AP4E1: variants seen among roughly 807,000 people sequenced by gnomAD.
AP4E1 encodes the protein adaptor related protein complex 4 subunit epsilon 1, also known as AP-4 complex subunit epsilon-1.
A neutral mutation model predicts 128.2 loss-of-function variants in AP4E1; 56 were observed. The observed-to-expected ratio is 0.44, with a 90% CI of 0.35 to 0.55. The LOEUF (loss-of-function observed/expected upper bound fraction) is 0.55, where lower values mean the gene tolerates loss of function less well. Among genes scored for constraint, AP4E1 ranks in the 20% least tolerant of loss-of-function variants. AP4E1 has a pLI of 0.00. For synonymous variants in AP4E1, 484 were observed against 473.1 expected (o/e 1.02, Z -0.30); for missense variants, 1,324 against 1,307.7 (o/e 1.01, Z -0.19).
chr15:50,910,626 C>G (rs1321047697), intron 1 of AP4E1, among the ~76,000 whole-genome samples: 2 of 152,206 alleles, frequency 1.3e-5, no homozygotes, highest in Non-Finnish European at 2.9e-5. Flanking sequence ...ACCTGCTTCA[C>G]ATTCCAGAAT....
At chr15:50,959,377 A>G (rs555118807) in intron 14 of AP4E1, among the ~76,000 whole-genome samples, 1 of 152,348 alleles carries the variant, frequency 6.6e-6, no homozygotes, top group Admixed American at 6.5e-5. Context: ...ATTTCTTAGC[A>G]GAAACCTTAT....
At chr15:50,980,473 A>G (rs897948366) in intron 15 of AP4E1, among the ~76,000 whole-genome samples, 3 of 152,226 alleles carry the variant, frequency 2.0e-5, no homozygotes, top group African/African-American at 7.2e-5. Flanking sequence ...CAGAAGCATG[A>G]CAGACGGAAA....
chr15:50,993,635 C>T lies in AP4E1; in HGVS notation c.2346+10C>T, dbSNP rs112190952. The stretch of plus-strand genomic sequence containing the variant: ...AAGTACAATCAACCTGGTAAGTAAT[C>T]GGTTCTATTCCTGTAAGAATCTTTG... On this transcript the variant is annotated intron_variant, in intron 17 of 20. Transcript: ENST00000261842. The T allele has an allele frequency of 4.4e-4, 718 of 1,613,698 alleles. 5 individuals carry two copies. The African/African-American group carries it at 8.3e-3, about 19-fold the overall frequency.
At position 50,923,914 on chromosome 15, in the gene AP4E1, T is replaced by C; in HGVS notation, c.347-17T>C. On this transcript the variant is annotated splice_polypyrimidine_tract_variant and intron_variant, in intron 3 of 20. Coordinates refer to ENST00000261842, the MANE Select transcript of AP4E1 (RefSeq NM_007347.5). ...TTTTGGTAGTTAGTAATCAGACTTT[T>C]CCCTCAACTTTTATAGGTTATTTGG... The C allele has an allele frequency of 6.3e-7, 1 of 1,599,078 alleles. No individual in the cohort carries two copies. Among genetic ancestry groups the C allele is most frequent in the South Asian group, 1.1e-5 (1 of 90,740 alleles).
chr15:50,976,058 C>T (rs1171317751), intron 15 of AP4E1, among the ~76,000 whole-genome samples: 1 of 151,894 alleles, frequency 6.6e-6, no homozygotes, highest in African/African-American at 2.4e-5. Flanking sequence ...TTTTATGAGA[C>T]CAGCCTTACC....
chr15:50,990,531 G>A (rs934962469), intron 16 of AP4E1, among the ~76,000 whole-genome samples: 1 of 151,628 alleles, frequency 6.6e-6, no homozygotes, highest in African/African-American at 2.4e-5. Context: ...GATTACAGAC[G>A]CCTGCCACCA....
chr15:50,914,565 C>T lies in AP4E1; in HGVS notation c.223-883C>T, dbSNP rs531022922. 4.0e-5 allele frequency among the ~76,000 whole-genome samples: 6 copies of T among 148,398 alleles called. 1 individual carries two copies. The East Asian group carries it at 1.0e-3, about 25-fold the overall frequency. On this transcript the variant is annotated intron_variant, in intron 2 of 20. Coordinates refer to ENST00000261842, the MANE Select transcript of AP4E1 (RefSeq NM_007347.5). ...ACTAGAGAGGCTGAAGCATGAGAATCGCTTGAACGTGGTAGGTGGAGGCTG... is the reference window on the plus strand; with the variant it reads ...ACTAGAGAGGCTGAAGCATGAGAATTGCTTGAACGTGGTAGGTGGAGGCTG...
chr15:50,951,893 AT>A (rs1384772168), intron 13 of AP4E1, among the ~76,000 whole-genome samples: 1 of 151,806 alleles, frequency 6.6e-6, no homozygotes, highest in Non-Finnish European at 1.5e-5. Context: ...CTTCTGGCTA[AT>A]TTTTGTATTT....
At chr15:50,969,562 T>C (rs1424768877) in intron 15 of AP4E1, among the ~76,000 whole-genome samples, 1 of 152,198 alleles carries the variant, frequency 6.6e-6, no homozygotes, top group African/African-American at 2.4e-5. Flanking sequence ...AATATAGTGA[T>C]GTTTCAATCC....
At position 50,941,559 on chromosome 15, in the gene AP4E1, AT is replaced by A. The variant is rs1357583521; in HGVS notation, c.1064del (p.Leu355Ter). ...CTGTCACCTAAAATAAATCTAAAATATTTAGGTAAGATGATTGGTTCTTTTG... is the reference window on the plus strand; with the variant it reads ...CTGTCACCTAAAATAAATCTAAAATATTAGGTAAGATGATTGGTTCTTTTG... Reference protein sequence around the residue: ...FVLSPKINLKYLGLKALTYVI... With the variant: ...FVLSPKINLKXLGLKALTYVI... On this transcript the variant is annotated frameshift_variant, in exon 9 of 21. Coordinates refer to ENST00000261842, the MANE Select transcript of AP4E1 (RefSeq NM_007347.5). LOFTEE classifies it high-confidence loss of function. 1.2e-6 allele frequency: 2 copies of A among 1,612,888 alleles called. No homozygotes were observed. Among genetic ancestry groups the A allele is most frequent in the Non-Finnish European group, 1.7e-6 (2 of 1,179,466 alleles).
chr15:50,928,812 C>T (rs561974144), intron 5 of AP4E1, among the ~76,000 whole-genome samples, 197 bp from the exon 6 acceptor site: 2 of 150,590 alleles, frequency 1.3e-5, no homozygotes, highest in East Asian at 3.9e-4. Flanking sequence ...AGTTTTGAGA[C>T]CTTACTTCCT....
intron 2 of AP4E1, 21 bp from the exon 3 acceptor site, chr15:50,915,427 A>C (rs1300169978): frequency 1.2e-6 from 2 of 1,606,582 alleles, no homozygotes; most frequent in Non-Finnish European, 1.7e-6. Context: ...TTATACAGCT[A>C]CTGGATATTT....
At chr15:50,923,086 A>G (rs1384262243) in intron 3 of AP4E1, among the ~76,000 whole-genome samples, 1 of 152,162 alleles carries the variant, frequency 6.6e-6, no homozygotes, top group African/African-American at 2.4e-5. Flanking sequence ...CTTGGGTCTC[A>G]TTATATAGGG....
In AP4E1 at chr15:51,004,119, G is replaced by A. The variant is rs1274502426; in HGVS notation, c.*1457G>A. ...TTGCTACAAGAGTCATAAGTGACTG[G>A]AATTTCTTGCATAATAGGTTCCTCC... On this transcript the variant is annotated 3_prime_UTR_variant, in exon 21 of 21. Transcript: ENST00000261842. 1 of 152,142 alleles carries A rather than the reference G, an allele frequency of 6.6e-6. No homozygotes were observed. Among genetic ancestry groups the A allele is most frequent in the East Asian group, 1.9e-4 (1 of 5,198 alleles). 9.4% of individuals were successfully genotyped at this position (152,142 alleles called of 1,614,324 possible).
At chr15:50,959,594 T>C (rs1480610282) in intron 14 of AP4E1, among the ~76,000 whole-genome samples, 4 of 152,030 alleles carry the variant, frequency 2.6e-5, no homozygotes, top group East Asian at 1.9e-4. Flanking sequence ...TGAAAAGATA[T>C]CTACCAACGT....
intron 15 of AP4E1, among the ~76,000 whole-genome samples, chr15:50,976,248 A>G (rs1291701467): frequency 2.0e-5 from 3 of 152,238 alleles, no homozygotes; most frequent in Non-Finnish European, 4.4e-5. Flanking sequence ...AATTAATGTG[A>G]TATCATGTTA....
chr15:50,933,754 G>A (rs1227191533), intron 7 of AP4E1, among the ~76,000 whole-genome samples: 1 of 152,032 alleles, frequency 6.6e-6, no homozygotes, highest in African/African-American at 2.4e-5. Flanking sequence ...CTTTCTAGCT[G>A]TATATTTGGA....
chr15:50,958,989 A>G (rs1308402720), intron 14 of AP4E1, among the ~76,000 whole-genome samples, 195 bp downstream of exon 14: 1 of 152,162 alleles, frequency 6.6e-6, no homozygotes, highest in African/African-American at 2.4e-5. Context: ...AGGTGGGTGG[A>G]TCACCTGAGG....
Position 50,969,082 on chromosome 15 carries a change from G to A in AP4E1, c.1966+705G>A, listed in dbSNP as rs186181306. On this transcript the variant is annotated intron_variant, in intron 15 of 20. Coordinates refer to ENST00000261842, the MANE Select transcript of AP4E1 (RefSeq NM_007347.5). ...ACATAGGTAAACTTGTATCATGGGA[G>A]TTTATTGTACAGCTTATTTCATCAC... Among the ~76,000 whole-genome samples, 7 of 151,814 alleles carry A rather than the reference G, an allele frequency of 4.6e-5. No homozygotes were observed. The East Asian group carries it at 7.7e-4, about 17-fold the overall frequency.
Sources: gnomAD v4.1 joint callset for allele counts (sites outside exome capture counted in the v4.1 genomes callset) on GRCh38, gnomAD v4.1.1 for gene constraint, MANE v1.5 for transcripts, NCBI Gene and HGNC (gene_info 2026-07-23, HGNC 2026-07-21) for gene names.